The following TRIP11 variants were observed in gnomAD, a reference collection of about 807,000 sequenced individuals.
TRIP11 encodes the protein thyroid hormone receptor interactor 11.
TRIP11 carries 148 observed loss-of-function variants against 223.1 expected under a neutral mutation model. That is an observed-to-expected ratio of 0.66 (90% confidence interval 0.58 to 0.76). The LOEUF (loss-of-function observed/expected upper bound fraction) is 0.76, where lower values mean the gene tolerates loss of function less well. TRIP11 is among the 30% of genes least tolerant of loss of function. TRIP11 has a pLI of 0.00. For synonymous variants in TRIP11, 762 were observed against 772.6 expected, an observed-to-expected ratio of 0.99 and a Z score of 0.23; for missense variants, 2,043 against 2,222.0, an observed-to-expected ratio of 0.92 and a Z score of 1.62.
chr14:92,003,270 A>C, intron 11 of TRIP11, 149 bp downstream of exon 11: 2 of 1,173,138 alleles, frequency 1.7e-6, no homozygotes, highest in Non-Finnish European at 2.4e-6. Flanking sequence ...CTCTGAGGAA[A>C]ATTTACTTAG....
intron 8 of TRIP11, among the ~76,000 whole-genome samples, 200 bp downstream of exon 8, chr14:92,011,555 T>C (rs914558600): frequency 2.7e-5 from 4 of 148,372 alleles, no homozygotes; most frequent in African/African-American, 1.0e-4. Context: ...AAACCAGTCA[T>C]GCATTTTCGA....
chr14:91,996,096 A>T (rs2056747684), intron 13 of TRIP11, among the ~76,000 whole-genome samples: 1 of 152,108 alleles, frequency 6.6e-6, no homozygotes, highest in African/African-American at 2.4e-5. Flanking sequence ...ACCACCATCC[A>T]TCTCCAGAAC....
Position 92,037,411 on chromosome 14 carries a change from T to A in TRIP11, c.139+2136A>T, listed in dbSNP as rs1235694024. ...AGTACCTGACATATGAGCAGGGTTG[T>A]ACAGGAGAATTGTTTTCTGGGTGAA... On this transcript the variant is annotated intron_variant, in intron 1 of 20. Coordinates refer to ENST00000267622, the MANE Select transcript of TRIP11 (RefSeq NM_004239.4). This position sits in a 1 kb window ranked among gnomAD's most constrained non-coding sequence, Gnocchi z 4.2. Among the ~76,000 whole-genome samples the A allele has an allele frequency of 1.3e-5, 2 of 152,190 alleles. No individual in the cohort carries two copies. Among genetic ancestry groups the A allele is most frequent in the Non-Finnish European group, 2.9e-5 (2 of 68,034 alleles).
At chr14:92,034,627 GT>G (rs750946649) in intron 1 of TRIP11, among the ~76,000 whole-genome samples, 94 of 152,224 alleles carry the variant, frequency 6.2e-4, no homozygotes, top group Non-Finnish European at 7.8e-4. Flanking sequence ...GCTCAGTCTG[GT>G]TTTCTACATT....
At chr14:91,975,323 CAACATT>C in intron 17 of TRIP11, 37 bp from the exon 18 acceptor site, 1 of 1,367,086 alleles carries the variant, frequency 7.3e-7, no homozygotes, top group Non-Finnish European at 1.0e-6. Flanking sequence ...CAAGTGAACT[CAACATT>C]AAGTACACTC....
At chr14:92,011,821 C>T (rs2056977276) in intron 7 of TRIP11, 26 bp from the exon 8 acceptor site, 4 of 1,605,496 alleles carry the variant, frequency 2.5e-6, no homozygotes, top group Non-Finnish European at 3.4e-6. Flanking sequence ...ATGAACTTGA[C>T]ATTAAAATTA....
chr14:92,032,218 G>A (rs1384673068), intron 2 of TRIP11, among the ~76,000 whole-genome samples: 2 of 152,112 alleles, frequency 1.3e-5, no homozygotes, highest in East Asian at 1.9e-4. Context: ...CGTGATCTCG[G>A]CTCAGTGCAA....
chr14:91,984,121 T>C (rs1023192513), intron 16 of TRIP11, among the ~76,000 whole-genome samples: 1 of 152,110 alleles, frequency 6.6e-6, no homozygotes, highest in Non-Finnish European at 1.5e-5. Flanking sequence ...TCAGTTATGC[T>C]GCCCTTTCAG....
rs112716168 is a variant in TRIP11 at position 92,014,631 on chromosome 14, C to T, written c.824-54G>A. ...CAAATGTCAAGTACCAAGAAATAAACGGTTTGCTATATACAACTAAGAGAT... is the reference window on the plus strand; with the variant it reads ...CAAATGTCAAGTACCAAGAAATAAATGGTTTGCTATATACAACTAAGAGAT... On this transcript the variant is annotated intron_variant, in intron 6 of 20. Coordinates refer to ENST00000267622, the MANE Select transcript of TRIP11 (RefSeq NM_004239.4). 1.7e-3 allele frequency: 2,662 copies of T among 1,558,644 alleles called. 47 individuals carry two copies. In the South Asian group the frequency reaches 0.023, roughly 14 times the overall value.
At chr14:91,977,541 T>C (rs2056481681) in intron 16 of TRIP11, among the ~76,000 whole-genome samples, 1 of 152,044 alleles carries the variant, frequency 6.6e-6, no homozygotes, top group Non-Finnish European at 1.5e-5. Flanking sequence ...CAATTGACCA[T>C]AAATGTATGG....
Position 92,014,240 on chromosome 14 carries a change from C to G in TRIP11, c.1161G>C (p.Val387=). 4 of 1,614,020 alleles carry G rather than the reference C, an allele frequency of 2.5e-6. No individual in the cohort carries two copies. Among genetic ancestry groups the G allele is most frequent in the Non-Finnish European group, 3.4e-6 (4 of 1,179,978 alleles). The change falls in exon 7 of 21, where the codon GTG becomes GTC. Residue 387 remains valine (V), a synonymous_variant. Coordinates refer to ENST00000267622, the MANE Select transcript of TRIP11 (RefSeq NM_004239.4). ...ILAQSASVEE[V]FRLQQALSDA... is the part of the protein sequence containing the mutation. ...CAGACAGTGCTTGTTGTAGTCTGAACACTTCTTCCACTGATGCACTCTGGG... is the reference window on the plus strand; with the variant it reads ...CAGACAGTGCTTGTTGTAGTCTGAAGACTTCTTCCACTGATGCACTCTGGG...
chr14:92,000,898 T>C lies in TRIP11; in HGVS notation c.4558-790A>G, dbSNP rs1235302278. Among the ~76,000 whole-genome samples, 3 of 151,614 alleles carry C rather than the reference T, an allele frequency of 2.0e-5. 1 individual carries two copies. The East Asian group carries it at 5.8e-4, about 29-fold the overall frequency. On this transcript the variant is annotated intron_variant, in intron 11 of 20. Transcript: ENST00000267622. ...TTTTTTGAGACGGAGTCTTGCTCTG[T>C]TGCCCAGGCTGGAGTGCAGTGGCGC... is the stretch of plus-strand genomic sequence containing the variant.
chr14:92,040,040 T>G lies in TRIP11; in HGVS notation c.-355A>C, dbSNP rs1293975840. The G allele has an allele frequency of 2.4e-6, 1 of 416,382 alleles. No individual in the cohort carries two copies. The highest frequency in any genetic ancestry group is 4.5e-6 in the Non-Finnish European group (1 of 221,862). 25.8% of individuals were successfully genotyped at this position (416,382 alleles called of 1,614,324 possible). ...CGACGCCGGCCGCCATGACACTCGC[T>G]CGGAAAGCGGCAGCGGATCATAGAA... On this transcript the variant is annotated 5_prime_UTR_variant, in exon 1 of 21. Coordinates refer to ENST00000267622, the MANE Select transcript of TRIP11 (RefSeq NM_004239.4).
In TRIP11 at chr14:92,007,866, AG is replaced by A. The variant is rs1566862231; in HGVS notation, c.1315-15del. On this transcript the variant is annotated splice_polypyrimidine_tract_variant and intron_variant, in intron 9 of 20. Coordinates refer to ENST00000267622, the MANE Select transcript of TRIP11 (RefSeq NM_004239.4). ...CTGAAGTTCTTCCTGAAATGATAAAAGGAAAAAAGCAACACATACTTTCAAT... is the reference window on the plus strand; with the variant it reads ...CTGAAGTTCTTCCTGAAATGATAAAAGAAAAAAGCAACACATACTTTCAAT... 6.3e-7 allele frequency: 1 copy of A among 1,588,768 alleles called. No homozygotes were observed. The highest frequency in any genetic ancestry group is 1.1e-5 in the South Asian group (1 of 89,430).
At position 92,011,047 on chromosome 14, in the gene TRIP11, A is replaced by C; in HGVS notation, c.1253T>G (p.Leu418Arg). Reference protein sequence around the residue: ...NQDNSLAEDNLKLKMRIEVLE... With the variant: ...NQDNSLAEDNRKLKMRIEVLE... ...AACTTCGATACGCATTTTAAGTTTC[A>C]GATTGTCTTCAGCAAGACTGTTATC... is the stretch of plus-strand genomic sequence containing the variant. The change falls in exon 9 of 21, where the codon CTG becomes CGG. Residue 418 changes from leucine to arginine, a missense_variant. By Grantham distance (102) the Leu-to-Arg change is moderately radical. Coordinates refer to ENST00000267622, the MANE Select transcript of TRIP11 (RefSeq NM_004239.4). 6.2e-7 allele frequency: 1 copy of C among 1,614,060 alleles called. No individual in the cohort carries two copies. Among genetic ancestry groups the C allele is most frequent in the Non-Finnish European group, 8.5e-7 (1 of 1,179,984 alleles).
rs1486752343 is a variant in TRIP11, at chr14:92,003,488, T to C, written c.4488A>G (p.Lys1496=). The C allele has an allele frequency of 1.2e-6, 2 of 1,614,036 alleles. No homozygotes were observed. The highest frequency in any genetic ancestry group is 1.3e-5 in the African/African-American group (1 of 74,944). Residue 1496 remains lysine (K), a synonymous_variant, in exon 11 of 21, where the codon AAA becomes AAG. Coordinates refer to ENST00000267622, the MANE Select transcript of TRIP11 (RefSeq NM_004239.4). ...NMKFSMMLRE[K]EFECHSMKEK... is the part of the protein sequence containing the mutation. The stretch of plus-strand genomic sequence containing the variant: ...CCTTCATTGAGTGGCACTCAAACTC[T>C]TTTTCTCGCAGCATCATAGAAAACT...
At chr14:92,009,086 G>T (rs2056940459) in intron 9 of TRIP11, among the ~76,000 whole-genome samples, 1 of 152,166 alleles carries the variant, frequency 6.6e-6, no homozygotes, top group African/African-American at 2.4e-5. Flanking sequence ...GATGGAAACA[G>T]CATTCTCTTA....
rs758589172 is a variant in TRIP11 at position 92,021,618 on chromosome 14, G to C, written c.526C>G (p.Arg176Gly). ...AGTCTTGAAACTTCATTTGAGAGTC[G>C]GTTTATTTCTTGTTGGGATGAAATT... ...DIISSQQEIN[R>G]LSNEVSRLES... is the part of the protein sequence containing the mutation. The change falls in exon 4 of 21, where the codon CGA becomes GGA. Residue 176 changes from arginine to glycine, a missense_variant. By Grantham distance (125) the Arg-to-Gly change is moderately radical (BLOSUM62 -2). Coordinates refer to ENST00000267622, the MANE Select transcript of TRIP11 (RefSeq NM_004239.4). 1 of 1,614,054 alleles carries C rather than the reference G, an allele frequency of 6.2e-7. No individual in the cohort carries two copies. The highest frequency in any genetic ancestry group is 8.5e-7 in the Non-Finnish European group (1 of 1,179,998).
At chr14:91,986,406 A>C (rs1233550427) in intron 16 of TRIP11, among the ~76,000 whole-genome samples, 1 of 152,170 alleles carries the variant, frequency 6.6e-6, no homozygotes, top group Non-Finnish European at 1.5e-5. Flanking sequence ...CCAAAAATCC[A>C]AAATCCAAAA....
Sources: gnomAD v4.1 joint callset for allele counts (sites outside exome capture counted in the v4.1 genomes callset) on GRCh38, gnomAD v4.1.1 for gene constraint, Gnocchi (gnomAD v3.1) non-coding constraint, MANE v1.5 for transcripts, NCBI Gene and HGNC (gene_info 2026-07-23, HGNC 2026-07-21) for gene names.